CSMD1: variants seen among roughly 807,000 people sequenced by gnomAD.
CSMD1 encodes the protein CUB and Sushi multiple domains 1, also known as CUB and sushi domain-containing protein 1.
A neutral mutation model predicts 417.5 loss-of-function variants in CSMD1; 213 were observed. That is an observed-to-expected ratio of 0.51 (90% CI 0.46 to 0.57). CSMD1 has a LOEUF of 0.57. CSMD1 is among the 20% of genes least tolerant of loss of function. The pLI, the probability that CSMD1 is intolerant of heterozygous loss-of-function variation, is 0.00. For synonymous variants in CSMD1, 2,862 were observed against 1,736.8 expected, an observed-to-expected ratio of 1.65 and a Z score of -16.11; for missense variants, 6,923 against 4,529.7, an observed-to-expected ratio of 1.53 and a Z score of -15.17.
intron 2 of CSMD1, among the ~76,000 whole-genome samples, chr8:4,621,320 G>C (rs892073771): frequency 2.6e-5 from 4 of 152,016 alleles, no homozygotes; most frequent in Admixed American, 6.6e-5. Flanking sequence ...AGAAGGTCAG[G>C]TGTGGAATTT....
At chr8:4,245,150 G>T (rs890576489) in intron 3 of CSMD1, among the ~76,000 whole-genome samples, 1 of 152,136 alleles carries the variant, frequency 6.6e-6, no homozygotes, top group African/African-American at 2.4e-5. Flanking sequence ...GGAAATGCCT[G>T]GGTTCAGAAT....
At chr8:4,971,554 C>T (rs1810237452) in intron 1 of CSMD1, among the ~76,000 whole-genome samples, 1 of 151,842 alleles carries the variant, frequency 6.6e-6, no homozygotes, top group Non-Finnish European at 1.5e-5. Context: ...GAGTTTTAAG[C>T]CAGAAATATA....
Position 3,169,253 on chromosome 8 carries a change from A to G in CSMD1, c.5726-6976T>C, listed in dbSNP as rs1820433050. ...TTTACATCCTAGGAGAAACCAGAGG[A>G]GACAAGTTTCAGGACTTTGGATTTG... On this transcript the variant is annotated intron_variant, in intron 37 of 69. Coordinates refer to ENST00000635120, the MANE Select transcript of CSMD1 (RefSeq NM_033225.6). 2.6e-5 allele frequency among the ~76,000 whole-genome samples: 4 copies of G among 152,238 alleles called. No individual in the cohort carries two copies. In the South Asian group the frequency reaches 8.3e-4, roughly 31 times the overall value.
chr8:4,628,385 C>T (rs1169155714), intron 2 of CSMD1, among the ~76,000 whole-genome samples: 1 of 143,564 alleles, frequency 7.0e-6, no homozygotes, highest in African/African-American at 2.6e-5. Flanking sequence ...TATATACACA[C>T]ATATATATAC....
At chr8:3,847,286 A>G (rs1477051126) in intron 5 of CSMD1, among the ~76,000 whole-genome samples, 1 of 152,178 alleles carries the variant, frequency 6.6e-6, no homozygotes, top group African/African-American at 2.4e-5. Context: ...AAGTTAATCC[A>G]AAGGCAGTTG....
chr8:3,571,794 G>A (rs1799954175), intron 10 of CSMD1, among the ~76,000 whole-genome samples: 1 of 151,998 alleles, frequency 6.6e-6, no homozygotes, highest in Non-Finnish European at 1.5e-5. Flanking sequence ...CATGGTGTCT[G>A]CTCTGTTTCA....
intron 3 of CSMD1, among the ~76,000 whole-genome samples, chr8:4,361,850 G>T (rs138494181): frequency 2.6e-5 from 4 of 152,072 alleles, no homozygotes; most frequent in Non-Finnish European, 1.5e-5. Context: ...AGCTATTTGG[G>T]AGGCTAAGGC....
intron 47 of CSMD1, 76 bp downstream of exon 47, chr8:3,096,773 T>C: frequency 1.0e-6 from 1 of 963,880 alleles, no homozygotes; most frequent in Non-Finnish European, 1.5e-6. Flanking sequence ...CCAGTCTTTA[T>C]GTTACTAAAA....
At chr8:4,902,114 C>T (rs1229896262) in intron 1 of CSMD1, among the ~76,000 whole-genome samples, 1 of 152,002 alleles carries the variant, frequency 6.6e-6, no homozygotes, top group African/African-American at 2.4e-5. Context: ...TTCCAAATAA[C>T]TATATATCAA....
intron 3 of CSMD1, among the ~76,000 whole-genome samples, chr8:4,230,480 G>A (rs574526145): frequency 6.6e-6 from 1 of 152,216 alleles, no homozygotes; most frequent in East Asian, 1.9e-4. Flanking sequence ...ATTAAACTCT[G>A]CTCAAAGTAG....
chr8:4,344,075 T>TGG (rs1197101074), intron 3 of CSMD1, among the ~76,000 whole-genome samples: 2 of 152,200 alleles, frequency 1.3e-5, no homozygotes, highest in Non-Finnish European at 2.9e-5. Flanking sequence ...ACACATACTC[T>TGG]GGCTTAACAC....
intron 5 of CSMD1, among the ~76,000 whole-genome samples, chr8:3,887,779 T>G (rs573940484): frequency 4.6e-5 from 7 of 152,328 alleles, no homozygotes; most frequent in African/African-American, 1.7e-4. Context: ...GAACTGAGTG[T>G]GTGGTATCAG....
intron 25 of CSMD1, among the ~76,000 whole-genome samples, chr8:3,297,876 T>C (rs531835328): frequency 3.9e-5 from 6 of 152,252 alleles, no homozygotes; most frequent in East Asian, 3.9e-4. Context: ...TTATGACTCA[T>C]TGGAATTAAA....
At chr8:4,394,450 T>G (rs1804068213) in intron 3 of CSMD1, among the ~76,000 whole-genome samples, 1 of 152,128 alleles carries the variant, frequency 6.6e-6, no homozygotes, top group Admixed American at 6.5e-5. Context: ...TAGTACTGAG[T>G]CTTTGAAGAA....
intron 3 of CSMD1, among the ~76,000 whole-genome samples, chr8:4,394,588 C>G (rs959493969): frequency 1.5e-4 from 23 of 152,044 alleles, no homozygotes; most frequent in African/African-American, 5.6e-4. Flanking sequence ...TGTGGATGCC[C>G]CCAGTAGCTG....
At chr8:4,027,324 G>C (rs552806217) in intron 4 of CSMD1, among the ~76,000 whole-genome samples, 1 of 152,146 alleles carries the variant, frequency 6.6e-6, no homozygotes, top group Non-Finnish European at 1.5e-5. Context: ...ATGATGGTAT[G>C]CTTTGGCTGT....
rs180790220 is a variant in CSMD1, at chr8:4,071,827, G to T, written c.416-39728C>A. Reference sequence around the variant, plus strand: ...CATTCAAATGAAAACTTCCTGTTGTGGGGGGGTGGTGTGCACATCCACTCT... The same window carrying T: ...CATTCAAATGAAAACTTCCTGTTGTTGGGGGGTGGTGTGCACATCCACTCT... On this transcript the variant is annotated intron_variant, in intron 3 of 69. Coordinates refer to ENST00000635120, the MANE Select transcript of CSMD1 (RefSeq NM_033225.6). 7.9e-5 allele frequency among the ~76,000 whole-genome samples: 12 copies of T among 151,560 alleles called. No homozygotes were observed. In the South Asian group the frequency reaches 8.4e-4, roughly 11 times the overall value.
At chr8:4,052,784 C>G (rs1432705878) in intron 3 of CSMD1, among the ~76,000 whole-genome samples, 1 of 152,116 alleles carries the variant, frequency 6.6e-6, no homozygotes, top group Non-Finnish European at 1.5e-5. Flanking sequence ...AGGACACATC[C>G]TGGAACCCAC....
At chr8:4,936,683 C>G (rs531963114) in intron 1 of CSMD1, among the ~76,000 whole-genome samples, 1 of 152,102 alleles carries the variant, frequency 6.6e-6, no homozygotes, top group African/African-American at 2.4e-5. Flanking sequence ...TTGTCTATGA[C>G]TAGTAAATAT....
Sources: allele counts gnomAD v4.1 joint callset (sites outside exome capture counted in the v4.1 genomes callset), GRCh38; gene constraint gnomAD v4.1.1; transcripts MANE v1.5; gene names NCBI Gene and HGNC (gene_info 2026-07-23, HGNC 2026-07-21).